The following FRMD5 variants were observed in gnomAD, a reference collection of about 807,000 sequenced individuals.
FRMD5 encodes FERM domain-containing protein 5.
In FRMD5, 20 loss-of-function variants were observed where a neutral mutation model predicts 69.0. The ratio of observed to expected loss-of-function variants is 0.29; its 90% CI spans 0.20 to 0.42. The LOEUF (loss-of-function observed/expected upper bound fraction) is 0.42, where lower values mean the gene tolerates loss of function less well. Among genes scored for constraint, FRMD5 ranks in the 10% least tolerant of loss-of-function variants. The pLI is 1.00. For missense variants in FRMD5, 595 were observed against 708.6 expected, an observed-to-expected ratio of 0.84 and a Z score of 1.82; for synonymous variants, 271 against 260.1, an observed-to-expected ratio of 1.04 and a Z score of -0.40.
At chr15:44,016,975 T>C (rs1890990973) in intron 1 of FRMD5, among the ~76,000 whole-genome samples, 1 of 152,042 alleles carries the variant, frequency 6.6e-6, no homozygotes, top group African/African-American at 2.4e-5. Context: ...TTTTACCATG[T>C]TGCAGGCTTG....
chr15:43,919,401 C>T, intron 4 of FRMD5, 58 bp downstream of exon 4: 1 of 1,458,718 alleles, frequency 6.9e-7, no homozygotes. Context: ...GGTCACCATC[C>T]CCCTTTCCTA....
chr15:43,938,658 A>T (rs1387076258), intron 1 of FRMD5, among the ~76,000 whole-genome samples: 2 of 152,226 alleles, frequency 1.3e-5, no homozygotes, highest in Non-Finnish European at 2.9e-5. Context: ...TGCTTCAACC[A>T]GAACACCACT....
chr15:44,099,987 T>A (rs755590180), intron 1 of FRMD5, among the ~76,000 whole-genome samples: 22 of 151,796 alleles, frequency 1.4e-4, no homozygotes, highest in Non-Finnish European at 2.5e-4. Flanking sequence ...ACACTCTGAG[T>A]CTAGCCACAC....
intron 1 of FRMD5, among the ~76,000 whole-genome samples, chr15:44,142,483 A>G (rs185110233): frequency 6.6e-6 from 1 of 152,316 alleles, no homozygotes; most frequent in African/African-American, 2.4e-5. Flanking sequence ...AATTAGCACA[A>G]GTTACAGAAG....
At chr15:43,962,787 G>C (rs1384529687) in intron 1 of FRMD5, among the ~76,000 whole-genome samples, 1 of 152,168 alleles carries the variant, frequency 6.6e-6, no homozygotes, top group Admixed American at 6.6e-5. Context: ...ACAAACCTGA[G>C]AAAAACAAGC....
chr15:43,917,194 C>G (rs2089405589), intron 4 of FRMD5, among the ~76,000 whole-genome samples: 1 of 152,170 alleles, frequency 6.6e-6, no homozygotes, highest in Non-Finnish European at 1.5e-5. Flanking sequence ...TGCTCCCTCT[C>G]ATCCCCACTG....
chr15:44,195,294 C>A (rs939849152), upstream of FRMD5: 15 of 491,358 alleles, frequency 3.1e-5, no homozygotes, highest in African/African-American at 1.5e-4. Context: ...CCCCAGTGCC[C>A]GTGCCCAGCT....
chr15:44,040,416 A>G (rs569999621), intron 1 of FRMD5, among the ~76,000 whole-genome samples: 1 of 152,286 alleles, frequency 6.6e-6, no homozygotes, highest in South Asian at 2.1e-4. Flanking sequence ...AGCCAGAGAG[A>G]AAGGTCAGGT....
chr15:43,988,378 G>A (rs1053299526), intron 1 of FRMD5, among the ~76,000 whole-genome samples: 18 of 149,078 alleles, frequency 1.2e-4, no homozygotes, highest in African/African-American at 3.5e-4. Flanking sequence ...TTTTAGCAAC[G>A]AAGTGTTTTT....
Position 44,185,362 on chromosome 15 carries a change from G to A in FRMD5, c.102+9591C>T, listed in dbSNP as rs562453889. Among the ~76,000 whole-genome samples the A allele has an allele frequency of 1.4e-3, 217 of 152,314 alleles. 1 individual carries two copies. The highest frequency in any genetic ancestry group is 2.0e-3 in the Non-Finnish European group (139 of 68,024). On this transcript the variant is annotated intron_variant, in intron 1 of 13. Transcript: ENST00000417257. Reference sequence around the variant, plus strand: ...TCCCGAAGAGCTGAGGGGCTATTCTGTTAGACAGATAAGTGTATACTGAGA... The same window carrying A: ...TCCCGAAGAGCTGAGGGGCTATTCTATTAGACAGATAAGTGTATACTGAGA...
At chr15:44,109,294 T>C (rs895683404) in intron 1 of FRMD5, among the ~76,000 whole-genome samples, 1 of 152,144 alleles carries the variant, frequency 6.6e-6, no homozygotes, top group Non-Finnish European at 1.5e-5. Context: ...GTAAAATACA[T>C]ATAACATAAA....
At chr15:44,108,615 A>T (rs2076753284) in intron 1 of FRMD5, among the ~76,000 whole-genome samples, 1 of 152,178 alleles carries the variant, frequency 6.6e-6, no homozygotes, top group Non-Finnish European at 1.5e-5. Context: ...ATTGCACTCC[A>T]GCCTGGGCAA....
At chr15:44,130,154 A>G (rs2077078982) in intron 1 of FRMD5, among the ~76,000 whole-genome samples, 1 of 152,156 alleles carries the variant, frequency 6.6e-6, no homozygotes, top group South Asian at 2.1e-4. Context: ...TAAACCCATC[A>G]TGCTTCAGCA....
At chr15:44,135,268 A>G (rs932623960) in intron 1 of FRMD5, among the ~76,000 whole-genome samples, 3 of 152,222 alleles carry the variant, frequency 2.0e-5, no homozygotes, top group Non-Finnish European at 2.9e-5. Flanking sequence ...AGTTTTCACA[A>G]ATGGAGAAAA....
chr15:44,008,429 A>AT (rs944262156), intron 1 of FRMD5, among the ~76,000 whole-genome samples: 30 of 148,698 alleles, frequency 2.0e-4, no homozygotes, highest in East Asian at 1.2e-3. Flanking sequence ...ACACCTGGCT[A>AT]TTTTTTTTGT....
At chr15:43,875,867 C>T in intron 13 of FRMD5, 17 of 487,740 alleles carry the variant, frequency 3.5e-5, no homozygotes, top group South Asian at 3.1e-4. Flanking sequence ...TTCCTTCAAC[C>T]ATAATAATAT....
At position 43,936,340 on chromosome 15, in the gene FRMD5, C is replaced by A. The variant is rs532625324; in HGVS notation, c.103-12031G>T. On this transcript the variant is annotated intron_variant, in intron 1 of 13. Transcript: ENST00000417257. ...CAGAATAGCTGGAATCACAGGCATG[C>A]GCCACCACACCCAGTTAATTTTTAA... Among the ~76,000 whole-genome samples the A allele has an allele frequency of 3.3e-5, 5 of 152,180 alleles. No homozygotes were observed. In the South Asian group the frequency reaches 1.0e-3, roughly 32 times the overall value.
chr15:44,139,043 G>A (rs890608476), intron 1 of FRMD5, among the ~76,000 whole-genome samples: 1 of 152,074 alleles, frequency 6.6e-6, no homozygotes, highest in African/African-American at 2.4e-5. Flanking sequence ...AAATTAGATC[G>A]TGGCAATGGT....
intron 5 of FRMD5, among the ~76,000 whole-genome samples, chr15:43,909,583 C>T (rs571400760): frequency 2.3e-4 from 35 of 152,044 alleles, no homozygotes; most frequent in African/African-American, 8.4e-4. Context: ...TGGGTTCAAG[C>T]AATTCTTGCA....
Sources: allele counts gnomAD v4.1 joint callset (sites outside exome capture counted in the v4.1 genomes callset), GRCh38; gene constraint gnomAD v4.1.1; transcripts MANE v1.5; gene names NCBI Gene and HGNC (gene_info 2026-07-23, HGNC 2026-07-21).